DNAJC2: variants seen among roughly 807,000 people sequenced by gnomAD.
DNAJC2 encodes the protein dnaJ homolog subfamily C member 2.
DNAJC2 carries 32 observed loss-of-function variants against 94.0 expected under a neutral mutation model. The observed-to-expected ratio is 0.34, with a 90% CI of 0.26 to 0.46. The LOEUF (loss-of-function observed/expected upper bound fraction) is 0.46. Ranked by LOEUF, DNAJC2 falls within the 20% of genes least tolerant of loss-of-function variation. DNAJC2 has a pLI of 1.00. For missense variants in DNAJC2, 550 were observed against 719.5 expected, an observed-to-expected ratio of 0.76 and a Z score of 2.69; for synonymous variants, 210 against 229.7, an observed-to-expected ratio of 0.91 and a Z score of 0.77.
In DNAJC2 at chr7:103,322,727, TTTC is replaced by T. The variant is rs1164003281; in HGVS notation, c.784_786del (p.Glu262del). On this transcript the variant is annotated inframe_deletion, in exon 8 of 17. Transcript: ENST00000379263. Reference sequence around the variant, plus strand: ...CCAACTAATGTTCTTATTCTGTTCATTTCTTCTTTTTTTCTTTGTGCTCTTGTT... The same window carrying T: ...CCAACTAATGTTCTTATTCTGTTCATTTCTTTTTTTCTTTGTGCTCTTGTT... 2 of 1,611,984 alleles carry T rather than the reference TTTC, an allele frequency of 1.2e-6. No individual in the cohort carries two copies.
At chr7:103,327,284 G>GAA (rs749664223) in intron 4 of DNAJC2, 326 of 846,408 alleles carry the variant, frequency 3.9e-4, no homozygotes, top group Middle Eastern at 9.5e-4. Flanking sequence ...CATCTGAAAC[G>GAA]AAAAAAAAAA....
At chr7:103,330,644 G>A (rs967248246) in intron 3 of DNAJC2, among the ~76,000 whole-genome samples, 2 of 151,812 alleles carry the variant, frequency 1.3e-5, no homozygotes, top group African/African-American at 2.4e-5. Context: ...TAGAGACAGG[G>A]TTTCACCATG....
At chr7:103,340,169 T>C (rs1819323494) in intron 2 of DNAJC2, among the ~76,000 whole-genome samples, 1 of 152,246 alleles carries the variant, frequency 6.6e-6, no homozygotes, top group African/African-American at 2.4e-5. Context: ...CCTTAGTTTC[T>C]GGAAGAATAC....
Position 103,323,626 on chromosome 7 carries a change from CTAAA to C in DNAJC2, c.687_690del (p.Tyr229Ter). ...TCTGCTTTTTCTTTTTCTTCTTCAT[CTAAA>C]TAAGAAAATTCTCTCCAAGAATCAA... On this transcript the variant is annotated frameshift_variant, in exon 7 of 17. Transcript: ENST00000379263. LOFTEE classifies it high-confidence loss of function. 1 of 1,459,468 alleles carries C rather than the reference CTAAA, an allele frequency of 6.9e-7. No individual in the cohort carries two copies. Among genetic ancestry groups the C allele is most frequent in the Non-Finnish European group, 9.3e-7 (1 of 1,071,536 alleles). The allele number at this position is 1,459,468 out of a possible 1,614,324, so 90.4% of individuals were successfully genotyped here.
chr7:103,339,495 A>C (rs1292164106), intron 2 of DNAJC2, among the ~76,000 whole-genome samples: 1 of 152,040 alleles, frequency 6.6e-6, no homozygotes, highest in Non-Finnish European at 1.5e-5. Flanking sequence ...ATCCTACTTC[A>C]TCACTTCCTA....
intron 12 of DNAJC2, among the ~76,000 whole-genome samples, chr7:103,318,355 T>C (rs927716979): frequency 2.0e-5 from 3 of 152,058 alleles, no homozygotes; most frequent in African/African-American, 7.2e-5. Context: ...GGTAGAGATT[T>C]TGTTTATGTT....
At position 103,326,047 on chromosome 7, in the gene DNAJC2, C is replaced by T. The variant is rs539575011; in HGVS notation, c.572+496G>A. Among the ~76,000 whole-genome samples, 41 of 151,980 alleles carry T rather than the reference C, an allele frequency of 2.7e-4. No homozygotes were observed. The South Asian group carries it at 7.5e-3, about 28-fold the overall frequency. On this transcript the variant is annotated intron_variant, in intron 5 of 16. Coordinates refer to ENST00000379263, the MANE Select transcript of DNAJC2 (RefSeq NM_014377.3). ...CTTGCTCAGTGTAGTGGCATGACCT[C>T]GGCTCACTGCAACCACTGTCTCCTG...
In DNAJC2 at chr7:103,316,095, G is replaced by C; in HGVS notation, c.1428-7C>G. 1 of 1,523,886 alleles carries C rather than the reference G, an allele frequency of 6.6e-7. No individual in the cohort carries two copies. 94.4% of individuals were successfully genotyped at this position (1,523,886 alleles called of 1,614,324 possible). A position where few individuals can be genotyped will look rare whatever the true frequency, so the allele number is the denominator to read the frequency against. On this transcript the variant is annotated splice_region_variant and splice_polypyrimidine_tract_variant and intron_variant, in intron 13 of 16. Coordinates refer to ENST00000379263, the MANE Select transcript of DNAJC2 (RefSeq NM_014377.3). Reference sequence around the variant, plus strand: ...ATTAGCAATAACTTCCCATCTGATAGGATATATTATACAATAATATGAATA... The same window carrying C: ...ATTAGCAATAACTTCCCATCTGATACGATATATTATACAATAATATGAATA...
At chr7:103,314,474 C>G (rs2115759062) in intron 15 of DNAJC2, 5 of 985,382 alleles carry the variant, frequency 5.1e-6, no homozygotes, top group Non-Finnish European at 6.0e-6. Context: ...TCACAGAAAG[C>G]AGACTGGACA....
intron 1 of DNAJC2, among the ~76,000 whole-genome samples, chr7:103,342,188 C>CA (rs199597211): frequency 0.016 from 2,349 of 151,158 alleles, 51 homozygotes; most frequent in African/African-American, 0.054. Flanking sequence ...TCTGACAAAA[C>CA]AAAAAAAACT....
chr7:103,329,777 T>C (rs1373304176), intron 3 of DNAJC2, among the ~76,000 whole-genome samples: 9 of 152,232 alleles, frequency 5.9e-5, no homozygotes, highest in Non-Finnish European at 1.3e-4. Flanking sequence ...ATATATTTGA[T>C]CGTAACTTCC....
chr7:103,340,337 A>C (rs1819330009), intron 2 of DNAJC2, among the ~76,000 whole-genome samples: 1 of 152,168 alleles, frequency 6.6e-6, no homozygotes, highest in African/African-American at 2.4e-5. Flanking sequence ...TTTTCTTTTA[A>C]AATGGATGAG....
rs1196636352 is a variant in DNAJC2 at position 103,312,635 on chromosome 7, G to A, written c.1800C>T (p.Val600=). Residue 600 remains valine, a synonymous_variant, in exon 17 of 17, where the codon GTC becomes GTT. Transcript: ENST00000379263. ...CAGCTTTCTTTGCTTTTACCATCTC[G>A]ACAAGTTCCTAGGAAGGGAGAAAGG... The part of the protein sequence containing the change: ...KDCMKRYKEL[V]EMVKAKKAAQ... 2.1e-5 allele frequency: 34 copies of A among 1,612,956 alleles called. No homozygotes were observed. The highest frequency in any genetic ancestry group is 1.6e-4 in the Middle Eastern group (1 of 6,080).
At chr7:103,322,120 G>C in intron 9 of DNAJC2, 39 bp from the exon 10 acceptor site, 1 of 1,423,126 alleles carries the variant, frequency 7.0e-7, no homozygotes, top group Non-Finnish European at 9.4e-7. Context: ...AATAGGTACA[G>C]TAAAATTCCT....
intron 12 of DNAJC2, among the ~76,000 whole-genome samples, chr7:103,317,791 C>T (rs1200857638): frequency 6.6e-6 from 1 of 152,132 alleles, no homozygotes; most frequent in Admixed American, 6.6e-5. Context: ...GCTGGGATTA[C>T]AGATGCCTGC....
Position 103,312,890 on chromosome 7 carries a change from A to G in DNAJC2, c.1791+57T>C, listed in dbSNP as rs931674157. On this transcript the variant is annotated intron_variant, in intron 16 of 16. Coordinates refer to ENST00000379263, the MANE Select transcript of DNAJC2 (RefSeq NM_014377.3). ...ACTTAATAGACATAAAATATGAGCT[A>G]TATCACCCAAGCTACAATTTAAAAT... 1.0e-5 allele frequency: 16 copies of G among 1,571,136 alleles called. No individual in the cohort carries two copies. In the East Asian group the frequency reaches 1.1e-4, roughly 11 times the overall value.
At chr7:103,318,665 G>GTTGAA (rs1194403892) in intron 12 of DNAJC2, among the ~76,000 whole-genome samples, 1 of 152,128 alleles carries the variant, frequency 6.6e-6, no homozygotes, top group Non-Finnish European at 1.5e-5. Flanking sequence ...ACTAATACTT[G>GTTGAA]TTGAATTGAA....
In DNAJC2 at chr7:103,314,734, T is replaced by C. The variant is rs954415682; in HGVS notation, c.1636+1030A>G. On this transcript the variant is annotated intron_variant, in intron 15 of 16. Transcript: ENST00000379263. ...TTTGCAATGATTTTCCTCCCCTATA[T>C]TAACACTGTAAGTCTCATATCTTTA... 3 of 760,214 alleles carry C rather than the reference T, an allele frequency of 3.9e-6. No individual in the cohort carries two copies. The African/African-American group carries it at 5.7e-5, about 14-fold the overall frequency. The allele number at this position is 760,214 out of a possible 1,614,324, so 47.1% of individuals were successfully genotyped here.
chr7:103,329,064 T>G, intron 3 of DNAJC2: 1 of 1,105,678 alleles, frequency 9.0e-7, no homozygotes. Flanking sequence ...TATTTAAAAT[T>G]TGTGATTATC....
Sources: allele counts gnomAD v4.1 joint callset (sites outside exome capture counted in the v4.1 genomes callset), GRCh38; gene constraint gnomAD v4.1.1; transcripts MANE v1.5; gene names NCBI Gene and HGNC (gene_info 2026-07-23, HGNC 2026-07-21).